IGSF10: variants seen among roughly 807,000 people sequenced by gnomAD.
IGSF10 encodes immunoglobulin superfamily member 10.
In IGSF10, 126 loss-of-function variants were observed where a neutral mutation model predicts 128.2. The ratio of observed to expected loss-of-function variants is 0.98; its 90% CI spans 0.85 to 1.14. The LOEUF (loss-of-function observed/expected upper bound fraction) is 1.14, where lower values mean the gene tolerates loss of function less well. Among genes scored for constraint, IGSF10 ranks in the 50% most tolerant of loss-of-function variants. IGSF10 has a pLI of 0.00. For missense variants in IGSF10, 3,295 were observed against 3,149.8 expected (o/e 1.05, Z -1.10); for synonymous variants, 1,185 against 1,146.2 (o/e 1.03, Z -0.68).
the IGSF10 span, among the ~76,000 whole-genome samples, chr3:151,571,142 T>C: frequency 2.6e-5 from 4 of 152,318 alleles, no homozygotes; most frequent in South Asian, 2.1e-4. Context: ...AGGCTTGTAG[T>C]ATAGTTTGAA....
the IGSF10 span, among the ~76,000 whole-genome samples, chr3:151,500,940 T>C: frequency 6.6e-6 from 1 of 151,970 alleles, no homozygotes; most frequent in East Asian, 1.9e-4. Flanking sequence ...TCAGGTAAAA[T>C]TTCCCTTCAG....
At chr3:151,613,022 C>A in the IGSF10 span, among the ~76,000 whole-genome samples, 8 of 152,158 alleles carry the variant, frequency 5.3e-5, no homozygotes, top group Non-Finnish European at 1.5e-5. Context: ...GTACAAAAAT[C>A]ACAAGTATTC....
the IGSF10 span, among the ~76,000 whole-genome samples, chr3:151,514,449 C>T: frequency 6.6e-6 from 1 of 152,166 alleles, no homozygotes; most frequent in Non-Finnish European, 1.5e-5. Flanking sequence ...CCCTTCTGTG[C>T]ACCTTATACA....
At chr3:151,611,597 C>T in the IGSF10 span, among the ~76,000 whole-genome samples, 2 of 152,148 alleles carry the variant, frequency 1.3e-5, no homozygotes, top group African/African-American at 2.4e-5. Context: ...AAATGGATAT[C>T]TTCCATGTGT....
the IGSF10 span, among the ~76,000 whole-genome samples, chr3:151,589,337 G>A: frequency 6.6e-6 from 1 of 152,200 alleles, no homozygotes; most frequent in East Asian, 1.9e-4. Context: ...CGGCAATGAA[G>A]TTAGGTTTTA....
chr3:151,599,919 A>G, the IGSF10 span, among the ~76,000 whole-genome samples: 1 of 152,140 alleles, frequency 6.6e-6, no homozygotes, highest in Non-Finnish European at 1.5e-5. Context: ...ATCAAATAGA[A>G]CCATCCAAGT....
At chr3:151,451,453 C>T (rs998692005) in intron 5 of IGSF10, among the ~76,000 whole-genome samples, 1 of 152,086 alleles carries the variant, frequency 6.6e-6, no homozygotes, top group African/African-American at 2.4e-5. Context: ...TCTGTATGTC[C>T]CCAGCCCTGG....
At position 151,437,250 on chromosome 3, in the gene IGSF10, A is replaced by AG. The variant is rs765552954; in HGVS notation, c.7310_7311insC (p.Ala2438CysfsTer20). ...TGATGCCTTTTACTGTCCCTGGTGCATAGGTAAGAATAACTGGCTTCTGGC... is the reference window on the plus strand; with the variant it reads ...TGATGCCTTTTACTGTCCCTGGTGCAGTAGGTAAGAATAACTGGCTTCTGGC... On this transcript the variant is annotated frameshift_variant, in exon 8 of 8. Transcript: ENST00000282466. LOFTEE classifies it low-confidence loss of function (END_TRUNC). 5 of 1,614,104 alleles carry AG rather than the reference A, an allele frequency of 3.1e-6. No individual in the cohort carries two copies. Among genetic ancestry groups the AG allele is most frequent in the Non-Finnish European group, 4.2e-6 (5 of 1,180,046 alleles).
chr3:151,497,287 T>C, the IGSF10 span, among the ~76,000 whole-genome samples: 1 of 152,206 alleles, frequency 6.6e-6, no homozygotes, highest in Non-Finnish European at 1.5e-5. Flanking sequence ...TAGGTTTTCT[T>C]CTAGGGTTTT....
At chr3:151,580,518 T>G in the IGSF10 span, among the ~76,000 whole-genome samples, 1 of 152,224 alleles carries the variant, frequency 6.6e-6, no homozygotes, top group African/African-American at 2.4e-5. Context: ...AATGCATAAA[T>G]GTTTGTTGAA....
At chr3:151,563,325 G>C in the IGSF10 span, among the ~76,000 whole-genome samples, 1 of 151,970 alleles carries the variant, frequency 6.6e-6, no homozygotes, top group Admixed American at 6.6e-5. Flanking sequence ...TACACTTTAG[G>C]CATCAACTAA....
the IGSF10 span, among the ~76,000 whole-genome samples, chr3:151,469,646 A>G: frequency 2.6e-5 from 4 of 152,186 alleles, no homozygotes; most frequent in African/African-American, 9.7e-5. Context: ...CTCTTCCCCA[A>G]CTGATATAGG....
the IGSF10 span, among the ~76,000 whole-genome samples, chr3:151,569,160 C>T: frequency 1.3e-5 from 2 of 152,188 alleles, no homozygotes; most frequent in Non-Finnish European, 2.9e-5. Context: ...CAACCTCCAT[C>T]CACTGGATTC....
the IGSF10 span, among the ~76,000 whole-genome samples, chr3:151,491,125 A>G: frequency 0.84 from 127,095 of 152,038 alleles, 53,326 homozygotes; most frequent in Middle Eastern, 0.94. Flanking sequence ...AAAGAGAGAG[A>G]AGACAAAAAT....
upstream of IGSF10, among the ~76,000 whole-genome samples, chr3:151,465,669 A>T (rs187962531): frequency 6.6e-6 from 1 of 152,342 alleles, no homozygotes; most frequent in Admixed American, 6.5e-5. Context: ...TTCTCCAGGA[A>T]GCTCAGTATC....
upstream of IGSF10, among the ~76,000 whole-genome samples, chr3:151,464,101 G>A (rs1255149934): frequency 6.6e-6 from 1 of 152,124 alleles, no homozygotes; most frequent in African/African-American, 2.4e-5. Flanking sequence ...AATTTGCCAA[G>A]ATCTCAGAGC....
Position 151,447,381 on chromosome 3 carries a change from G to A in IGSF10, c.2600C>T (p.Thr867Ile), listed in dbSNP as rs1459027444. The A allele has an allele frequency of 2.5e-6, 4 of 1,614,158 alleles. No homozygotes were observed. In the Admixed American group the frequency reaches 6.7e-5, roughly 27 times the overall value. The change falls in exon 6 of 8, where the codon ACT (threonine) becomes ATT (isoleucine). Residue 867 changes from threonine to isoleucine, a missense_variant. Transcript: ENST00000282466. ...GTTTATATTCTTTGACATGGCTGTA[G>A]TTTTAATAGCAGTAGACAGTTTGAA... The part of the protein sequence containing the change: ...TDFKLSTAIK[T>I]TAMSKNINPT...
the IGSF10 span, among the ~76,000 whole-genome samples, chr3:151,574,257 T>G: frequency 6.6e-6 from 1 of 152,206 alleles, no homozygotes; most frequent in Non-Finnish European, 1.5e-5. Flanking sequence ...AATTTCAATG[T>G]TGGCCTGCCT....
At position 151,449,799 on chromosome 3, in the gene IGSF10, A is replaced by AC. The variant is rs529351863; in HGVS notation, c.716-535dup. 3.7e-3 allele frequency among the ~76,000 whole-genome samples: 561 copies of AC among 152,284 alleles called. 3 individuals are homozygous for AC. The highest frequency in any genetic ancestry group is 0.013 in the African/African-American group (532 of 41,544). On this transcript the variant is annotated intron_variant, in intron 5 of 7. Transcript: ENST00000282466. ...ATTGACTGAATTACAGGGTACCTTG[A>AC]CCTGGTCTAGCTTAGTAGCAACAGG... is the stretch of plus-strand genomic sequence containing the variant.
Sources: allele counts gnomAD v4.1 joint callset (sites outside exome capture counted in the v4.1 genomes callset), GRCh38; gene constraint gnomAD v4.1.1; transcripts MANE v1.5; gene names NCBI Gene and HGNC (gene_info 2026-07-23, HGNC 2026-07-21).